Variants in SMARCC1 observed in about 807,000 individuals in gnomAD.
SMARCC1 encodes the protein SWI/SNF complex subunit SMARCC1.
SMARCC1 carries 43 observed loss-of-function variants against 147.4 expected under a neutral mutation model. The observed-to-expected ratio is 0.29, with a 90% confidence interval of 0.23 to 0.38. The LOEUF (loss-of-function observed/expected upper bound fraction) is 0.38, where lower values mean the gene tolerates loss of function less well. Ranked by LOEUF, SMARCC1 falls within the 10% of genes least tolerant of loss-of-function variation. The pLI is 1.00. For synonymous variants in SMARCC1, 495 were observed against 484.4 expected (o/e 1.02, Z -0.29); for missense variants, 1,119 against 1,381.1 (o/e 0.81, Z 3.01).
chr3:47,617,571 C>CA (rs2032664276), intron 25 of SMARCC1, among the ~76,000 whole-genome samples: 1 of 152,210 alleles, frequency 6.6e-6, no homozygotes, highest in Non-Finnish European at 1.5e-5. Flanking sequence ...AGGCATATGC[C>CA]ATACTTCTCT....
intron 5 of SMARCC1, among the ~76,000 whole-genome samples, chr3:47,731,034 A>G (rs1298164591): frequency 6.6e-6 from 1 of 152,206 alleles, no homozygotes; most frequent in African/African-American, 2.4e-5. Context: ...AAAGTTTGTC[A>G]CATTGATTGA....
intron 10 of SMARCC1, among the ~76,000 whole-genome samples, chr3:47,702,762 A>T (rs2033939331): frequency 6.6e-6 from 1 of 152,032 alleles, no homozygotes; most frequent in Admixed American, 6.6e-5. Flanking sequence ...TCATGCCCAG[A>T]CTATTTTTCT....
At chr3:47,664,003 C>CATACATAATAGCA in intron 19 of SMARCC1, 1 of 865,306 alleles carries the variant, frequency 1.2e-6, no homozygotes. Flanking sequence ...CTGGCCCTAC[C>CATACATAATAGCA]ATGGGACTTA....
chr3:47,775,555 C>G (rs1011594728), intron 1 of SMARCC1, among the ~76,000 whole-genome samples: 1 of 150,030 alleles, frequency 6.7e-6, no homozygotes, highest in African/African-American at 2.4e-5. Context: ...GGGCGAATCA[C>G]GAGGTCAGGA....
chr3:47,731,282 T>A (rs1461716729), intron 5 of SMARCC1, among the ~76,000 whole-genome samples: 1 of 152,222 alleles, frequency 6.6e-6, no homozygotes, highest in African/African-American at 2.4e-5. Context: ...TGTCATGAGA[T>A]CGCGGCAATT....
intron 11 of SMARCC1, 78 bp from the exon 12 acceptor site, chr3:47,693,378 T>C: frequency 1.2e-6 from 1 of 809,698 alleles, no homozygotes; most frequent in South Asian, 1.5e-5. Context: ...GAATAGGACA[T>C]GATTAAACGA....
intron 21 of SMARCC1, among the ~76,000 whole-genome samples, chr3:47,653,230 T>C (rs1251639527): frequency 1.3e-5 from 2 of 152,256 alleles, no homozygotes; most frequent in South Asian, 2.1e-4. Flanking sequence ...GTGCTGGGAT[T>C]ACAGGCGTGA....
At chr3:47,679,328 G>C (rs1370093566) in intron 15 of SMARCC1, among the ~76,000 whole-genome samples, 3 of 152,090 alleles carry the variant, frequency 2.0e-5, no homozygotes, top group Middle Eastern at 3.4e-3. Flanking sequence ...AGTATATACT[G>C]ATGAATCACC....
chr3:47,758,676 A>G (rs1230900005), intron 2 of SMARCC1, among the ~76,000 whole-genome samples: 1 of 152,168 alleles, frequency 6.6e-6, no homozygotes, highest in East Asian at 1.9e-4. Flanking sequence ...ACAGGCCTAA[A>G]ATATTTACTA....
At chr3:47,712,556 CTT>C (rs2034099738) in intron 8 of SMARCC1, among the ~76,000 whole-genome samples, 1 of 152,060 alleles carries the variant, frequency 6.6e-6, no homozygotes, top group Non-Finnish European at 1.5e-5. Context: ...TGCTGAACAT[CTT>C]ACACGTATAA....
Position 47,586,300 on chromosome 3 carries a change from G to C in SMARCC1, c.*1909C>G, listed in dbSNP as rs977512153. On this transcript the variant is annotated 3_prime_UTR_variant, in exon 28 of 28. Transcript: ENST00000254480. ...CCTTCTCGGACTCCAGGGGAAAAAA[G>C]AAGTATTTGGAATGAGTTTCCTTTG... is the stretch of plus-strand genomic sequence containing the variant. 6.6e-6 allele frequency: 1 copy of C among 152,212 alleles called. No homozygotes were observed. The highest frequency in any genetic ancestry group is 1.5e-5 in the Non-Finnish European group (1 of 68,036). The allele number at this position is 152,212 out of a possible 1,614,324, so 9.4% of individuals were successfully genotyped here. A position where few individuals can be genotyped will look rare whatever the true frequency, so the allele number is the denominator to read the frequency against.
At chr3:47,613,791 C>T (rs1418606141) in intron 25 of SMARCC1, among the ~76,000 whole-genome samples, 1 of 152,210 alleles carries the variant, frequency 6.6e-6, no homozygotes, top group Non-Finnish European at 1.5e-5. Context: ...TGAGCCCCCA[C>T]TTCCCCTGCT....
At chr3:47,608,220 T>C (rs1435745418) in intron 26 of SMARCC1, among the ~76,000 whole-genome samples, 1 of 152,156 alleles carries the variant, frequency 6.6e-6, no homozygotes, top group African/African-American at 2.4e-5. Context: ...CCTGAGTAGA[T>C]GGGACTGCAG....
chr3:47,621,934 T>G (rs1298789494), intron 25 of SMARCC1, among the ~76,000 whole-genome samples: 2 of 151,806 alleles, frequency 1.3e-5, no homozygotes, highest in African/African-American at 2.4e-5. Context: ...TTTTGTAGAG[T>G]GAAGAATTTA....
chr3:47,610,013 T>G, intron 26 of SMARCC1, 53 bp downstream of exon 26: 1 of 1,583,292 alleles, frequency 6.3e-7, no homozygotes, highest in South Asian at 1.1e-5. Context: ...AATGATGCTC[T>G]GTGCCTCTGT....
intron 14 of SMARCC1, among the ~76,000 whole-genome samples, chr3:47,682,504 G>A (rs1240952316): frequency 1.3e-5 from 2 of 152,054 alleles, no homozygotes; most frequent in African/African-American, 4.8e-5. Flanking sequence ...CGACCCACCA[G>A]CCTCAGCCTC....
At chr3:47,682,874 T>C (rs1316986713) in intron 14 of SMARCC1, among the ~76,000 whole-genome samples, 1 of 152,220 alleles carries the variant, frequency 6.6e-6, no homozygotes, top group African/African-American at 2.4e-5. Flanking sequence ...AAATTCTGAA[T>C]GTTAAACACA....
chr3:47,660,443 C>CT (rs1268282896), intron 21 of SMARCC1, among the ~76,000 whole-genome samples: 16 of 62,048 alleles, frequency 2.6e-4, no homozygotes, highest in South Asian at 6.9e-4. Flanking sequence ...AAGACTCTGT[C>CT]TAAAAAAAAA....
intron 17 of SMARCC1, among the ~76,000 whole-genome samples, chr3:47,675,827 C>G (rs1028557184): frequency 2.0e-5 from 3 of 151,944 alleles, no homozygotes; most frequent in African/African-American, 4.8e-5. Context: ...TGCCTATAAT[C>G]TCAGCTACTC....
Sources: allele counts gnomAD v4.1 joint callset (sites outside exome capture counted in the v4.1 genomes callset), GRCh38; gene constraint gnomAD v4.1.1; transcripts MANE v1.5; gene names NCBI Gene and HGNC (gene_info 2026-07-23, HGNC 2026-07-21).